The following CEP15 variants were observed in gnomAD, a reference collection of about 807,000 sequenced individuals.
CEP15 encodes the protein centrosomal protein 15.
At chr3:62,335,763 T>A in the CEP15 span, 2 of 152,122 alleles carry the variant, frequency 1.3e-5, no homozygotes, top group Non-Finnish European at 2.9e-5. Context: ...AATGGAGTTT[T>A]CAAAATGAAA....
At chr3:62,320,340 C>G in the CEP15 span, 1 of 640,196 alleles carries the variant, frequency 1.6e-6, no homozygotes, top group Non-Finnish European at 2.6e-6. Flanking sequence ...ATTATTACAT[C>G]TTAAGTTTTC....
the CEP15 span, chr3:62,320,593 CACA>C: frequency 8.5e-7 from 1 of 1,178,320 alleles, no homozygotes; most frequent in South Asian, 1.4e-5. Context: ...ATATTGTATA[CACA>C]GGATGACTTA....
the CEP15 span, chr3:62,333,513 G>C: frequency 3.6e-6 from 4 of 1,099,800 alleles, no homozygotes; most frequent in Non-Finnish European, 5.0e-6. The surrounding 1 kb of genome is among the most constrained non-coding windows in gnomAD (Gnocchi z 4.0). Flanking sequence ...CTAAGTGACA[G>C]TGAAGATATG....
the CEP15 span, among the ~76,000 whole-genome samples, chr3:62,327,731 G>T: frequency 6.6e-6 from 1 of 152,180 alleles, no homozygotes; most frequent in Non-Finnish European, 1.5e-5. Flanking sequence ...AGTACATACA[G>T]TTCATGTAGG....
chr3:62,333,973 G>A, the CEP15 span: 3 of 152,186 alleles, frequency 2.0e-5, no homozygotes, highest in South Asian at 6.2e-4. The surrounding 1 kb of genome is among the most constrained non-coding windows in gnomAD (Gnocchi z 4.0). Flanking sequence ...TCAATAAGTA[G>A]CCAGTTTCAG....
At chr3:62,335,571 A>G in the CEP15 span, 2 of 152,110 alleles carry the variant, frequency 1.3e-5, no homozygotes, top group Non-Finnish European at 2.9e-5. Flanking sequence ...TTTTCTGTTA[A>G]GAAGGGAGGA....
chr3:62,328,495 A>G, the CEP15 span, among the ~76,000 whole-genome samples: 4 of 152,302 alleles, frequency 2.6e-5, no homozygotes, highest in South Asian at 8.3e-4. Flanking sequence ...TAGATTTGTC[A>G]CATTTGGTTT....
At chr3:62,332,597 A>G in the CEP15 span, among the ~76,000 whole-genome samples, 2 of 152,128 alleles carry the variant, frequency 1.3e-5, no homozygotes, top group African/African-American at 4.8e-5. Context: ...TAAAGCCTAT[A>G]GACTTCTACA....
chr3:62,319,227 G>C, the CEP15 span: 10 of 152,574 alleles, frequency 6.6e-5, no homozygotes, highest in Non-Finnish European at 5.9e-5. Context: ...AGATGACTCT[G>C]AGAAGGTGCG....
At chr3:62,325,783 C>T in the CEP15 span, among the ~76,000 whole-genome samples, 11 of 152,124 alleles carry the variant, frequency 7.2e-5, no homozygotes, top group African/African-American at 2.7e-4. Context: ...CCTGTAATCC[C>T]AGCACTTTGG....
At chr3:62,324,018 C>T in the CEP15 span, 1 of 152,136 alleles carries the variant, frequency 6.6e-6, no homozygotes, top group Non-Finnish European at 1.5e-5. Context: ...TAAAATCCTA[C>T]TTTCCTCGTA....
At chr3:62,327,613 A>T in the CEP15 span, among the ~76,000 whole-genome samples, 8 of 152,190 alleles carry the variant, frequency 5.3e-5, no homozygotes, top group African/African-American at 1.9e-4. Flanking sequence ...AGATATATTC[A>T]TTAGAAGTTG....
At chr3:62,320,370 C>T in the CEP15 span, 2 of 824,870 alleles carry the variant, frequency 2.4e-6, no homozygotes, top group East Asian at 2.7e-5. Context: ...CTGAGAGAAC[C>T]AATGGATTAA....
chr3:62,335,960 T>C, the CEP15 span: 1 of 152,168 alleles, frequency 6.6e-6, no homozygotes, highest in African/African-American at 2.4e-5. Flanking sequence ...AAAAGCTTAA[T>C]ACTCTGGAAA....
chr3:62,324,003 A>C, the CEP15 span: 1 of 152,146 alleles, frequency 6.6e-6, no homozygotes, highest in Non-Finnish European at 1.5e-5. Context: ...TGCATATGCA[A>C]TTTTTAAAAT....
the CEP15 span, chr3:62,322,331 GAAGT>G: frequency 3.7e-6 from 1 of 268,174 alleles, no homozygotes; most frequent in Non-Finnish European, 6.9e-6. This position sits in a 1 kb window ranked among gnomAD's most constrained non-coding sequence, Gnocchi z 5.5. Context: ...CCTTTTGCAA[GAAGT>G]AAGAAACAGA....
the CEP15 span, among the ~76,000 whole-genome samples, chr3:62,330,386 A>G: frequency 6.6e-6 from 1 of 152,188 alleles, no homozygotes; most frequent in Non-Finnish European, 1.5e-5. Context: ...GCCTGTGACC[A>G]AGGCCACTGT....
chr3:62,319,923 G>C, the CEP15 span: 1 of 152,294 alleles, frequency 6.6e-6, no homozygotes, highest in South Asian at 2.1e-4. Context: ...GGAAGGGGAA[G>C]GTATCTATCT....
the CEP15 span, chr3:62,331,331 G>A: frequency 2.5e-6 from 4 of 1,612,800 alleles, no homozygotes; most frequent in East Asian, 8.9e-5. Flanking sequence ...ACAGGATATA[G>A]AAGCAGCAGA....
Sources: allele counts gnomAD v4.1 joint callset (sites outside exome capture counted in the v4.1 genomes callset), GRCh38; gene constraint gnomAD v4.1.1; non-coding constraint Gnocchi (gnomAD v3.1); transcripts MANE v1.5; gene names NCBI Gene and HGNC (gene_info 2026-07-23, HGNC 2026-07-21).